Variants in SMARCD1 observed in about 807,000 individuals in gnomAD.
SMARCD1 encodes SWI/SNF-related matrix-associated actin-dependent regulator of chromatin subfamily D member 1.
In SMARCD1, 16 loss-of-function variants were observed where a neutral mutation model predicts 70.8. The ratio of observed to expected loss-of-function variants is 0.23; its 90% CI spans 0.15 to 0.34. The LOEUF is 0.34. Ranked by LOEUF, SMARCD1 falls within the 10% of genes least tolerant of loss-of-function variation. SMARCD1 has a pLI of 1.00. For synonymous variants in SMARCD1, 249 were observed against 246.0 expected (o/e 1.01, Z -0.11); for missense variants, 409 against 655.5 (o/e 0.62, Z 4.11).
chr12:50,090,893 C>T (rs1221329190), intron 9 of SMARCD1, among the ~76,000 whole-genome samples: 1 of 131,938 alleles, frequency 7.6e-6, no homozygotes. Context: ...GGCGCGATCT[C>T]GGCTCACTGC....
Position 50,099,013 on chromosome 12 carries a change from AG to A in SMARCD1, c.*14del. The stretch of plus-strand genomic sequence containing the variant: ...CCGGAATACATAGGGCCTCTCCCAC[AG>A]CCCTGATTCGACTGCACCAATTCTT... On this transcript the variant is annotated 3_prime_UTR_variant, in exon 13 of 13. Transcript: ENST00000394963. 6.2e-7 allele frequency: 1 copy of A among 1,613,156 alleles called. No individual in the cohort carries two copies. The highest frequency in any genetic ancestry group is 8.5e-7 in the Non-Finnish European group (1 of 1,179,092).
rs764685953 is a variant in SMARCD1, at chr12:50,086,186, G to T, written c.203G>T (p.Arg68Leu). 2 of 1,576,310 alleles carry T rather than the reference G, an allele frequency of 1.3e-6. No homozygotes were observed. The highest frequency in any genetic ancestry group is 1.7e-6 in the Non-Finnish European group (2 of 1,158,844). The change falls in exon 2 of 13, where the codon CGA becomes CTA. Residue 68 changes from arginine to leucine, a missense_variant. Arg to Leu is a moderately radical substitution (Grantham distance 102). Coordinates refer to ENST00000394963, the MANE Select transcript of SMARCD1 (RefSeq NM_003076.5). ...YPRPGMLPGS[R>L]MTPQGPSMGP... The stretch of plus-strand genomic sequence containing the variant: ...AGACCAGGTATGTTGCCAGGCAGCC[G>T]AATGACACCTCAGGGACCTTCCATG...
chr12:50,092,560 A>G (rs535788684), intron 9 of SMARCD1, among the ~76,000 whole-genome samples: 52 of 150,534 alleles, frequency 3.5e-4, no homozygotes, highest in African/African-American at 1.2e-3. Context: ...TGAACCTACA[A>G]GATGACAGAG....
At chr12:50,088,479 TTC>T in intron 5 of SMARCD1, 40 bp from the exon 6 acceptor site, 1 of 1,136,860 alleles carries the variant, frequency 8.8e-7, no homozygotes, top group South Asian at 1.4e-5. Flanking sequence ...GGGAAGTTTC[TTC>T]TGGCCTTTCC....
Position 50,086,361 on chromosome 12 carries a change from T to G in SMARCD1, c.365+13T>G. Reference sequence around the variant, plus strand: ...ATCGAAACCACAAGTAAGATGATCCTGGGGCAGAGGGAGGGAGGGAGGGAG... The same window carrying G: ...ATCGAAACCACAAGTAAGATGATCCGGGGGCAGAGGGAGGGAGGGAGGGAG... On this transcript the variant is annotated intron_variant, in intron 2 of 12. Transcript: ENST00000394963. 1.8e-6 allele frequency: 1 copy of G among 568,084 alleles called. No homozygotes were observed. The highest frequency in any genetic ancestry group is 3.2e-6 in the Non-Finnish European group (1 of 310,456). The allele number at this position is 568,084 out of a possible 1,614,324, so 35.2% of individuals were successfully genotyped here.
At chr12:50,093,039 G>A (rs1950860748) in intron 9 of SMARCD1, among the ~76,000 whole-genome samples, 1 of 151,930 alleles carries the variant, frequency 6.6e-6, no homozygotes, top group African/African-American at 2.4e-5. Flanking sequence ...AGCTGGGCAT[G>A]GTGGTGGGCG....
Position 50,098,945 on chromosome 12 carries a change from A to G in SMARCD1, c.1495-2A>G. ...CCACTCCCTTCACTATTTTCTCCTTAGGTGCAGCAGAGACGACAAGAATTA... is the reference window on the plus strand; with the variant it reads ...CCACTCCCTTCACTATTTTCTCCTTGGGTGCAGCAGAGACGACAAGAATTA... On this transcript the variant is annotated splice_acceptor_variant, in intron 12 of 12. Coordinates refer to ENST00000394963, the MANE Select transcript of SMARCD1 (RefSeq NM_003076.5). LOFTEE classifies it high-confidence loss of function. The G allele has an allele frequency of 6.2e-7, 1 of 1,613,958 alleles. No homozygotes were observed. Among genetic ancestry groups the G allele is most frequent in the Non-Finnish European group, 8.5e-7 (1 of 1,179,850 alleles).
At chr12:50,096,266 A>G (rs1238731247) in intron 10 of SMARCD1, among the ~76,000 whole-genome samples, 1 of 152,128 alleles carries the variant, frequency 6.6e-6, no homozygotes, top group Admixed American at 6.6e-5. Flanking sequence ...GGACAGTAGT[A>G]TTTACTATGA....
At position 50,098,703 on chromosome 12, in the gene SMARCD1, A is replaced by G. The variant is rs763736457; in HGVS notation, c.1393-11A>G. 1.0e-5 allele frequency: 16 copies of G among 1,607,088 alleles called. No homozygotes were observed. In the Admixed American group the frequency reaches 2.2e-4, roughly 22 times the overall value. The stretch of plus-strand genomic sequence containing the variant: ...CTCTCTTCCTCCACCCTGCATCTCC[A>G]TTTCCCTCAGACAATGACTGATGTG... On this transcript the variant is annotated splice_polypyrimidine_tract_variant and intron_variant, in intron 11 of 12. Coordinates refer to ENST00000394963, the MANE Select transcript of SMARCD1 (RefSeq NM_003076.5).
intron 9 of SMARCD1, among the ~76,000 whole-genome samples, chr12:50,091,619 C>G (rs1409621807): frequency 2.0e-5 from 3 of 151,560 alleles, no homozygotes; most frequent in African/African-American, 7.3e-5. Flanking sequence ...TCTTGTTGCC[C>G]AGGCTGGTGT....
Position 50,099,156 on chromosome 12 carries a change from C to T in SMARCD1, c.*156C>T, listed in dbSNP as rs1950918156. ...GAATGAAGAGGGTCTCACAAGACAC[C>T]TGTTATCCTCTTCTTTCACCCTATC... On this transcript the variant is annotated 3_prime_UTR_variant, in exon 13 of 13. Coordinates refer to ENST00000394963, the MANE Select transcript of SMARCD1 (RefSeq NM_003076.5). 1 of 665,510 alleles carries T rather than the reference C, an allele frequency of 1.5e-6. No individual in the cohort carries two copies. Among genetic ancestry groups the T allele is most frequent in the Non-Finnish European group, 2.7e-6 (1 of 375,744 alleles). The allele number at this position is 665,510 out of a possible 1,614,324, so 41.2% of individuals were successfully genotyped here. A position where few individuals can be genotyped will look rare whatever the true frequency, so the allele number is the denominator to read the frequency against.
In SMARCD1 at chr12:50,098,184, C is replaced by T. The variant is rs117103230; in HGVS notation, c.1393-530C>T. Among the ~76,000 whole-genome samples the T allele has an allele frequency of 3.3e-3, 496 of 152,284 alleles. 16 individuals are homozygous for T. The East Asian group carries it at 0.086, about 26-fold the overall frequency. On this transcript the variant is annotated intron_variant, in intron 11 of 12. Transcript: ENST00000394963. ...CAGGAAAGATCCCTGAACAAGGCAA[C>T]GACTTGTTGATTGCAGAGGTGACTG...
At chr12:50,085,854 G>A (rs1950783648) in intron 1 of SMARCD1, 1 of 391,794 alleles carries the variant, frequency 2.6e-6, no homozygotes, top group Non-Finnish European at 4.5e-6. Context: ...CACAGAACGT[G>A]TAGCTGACAA....
intron 7 of SMARCD1, 98 bp downstream of exon 7, chr12:50,090,083 A>C (rs1950827620): frequency 7.5e-7 from 1 of 1,328,270 alleles, no homozygotes; most frequent in Admixed American, 1.8e-5. Context: ...ATAATTTGCC[A>C]CTTTGGCACA....
Position 50,100,152 on chromosome 12 carries a change from A to ATCACAT in SMARCD1, c.*1154_*1155insACATTC, listed in dbSNP as rs1337286570. ...CCCTTGGATCTGAGATGGTTTTTGC[A>ATCACAT]TCTTTCCAGGAGAGCCTCACATTCT... On this transcript the variant is annotated 3_prime_UTR_variant, in exon 13 of 13. Coordinates refer to ENST00000394963, the MANE Select transcript of SMARCD1 (RefSeq NM_003076.5). The ATCACAT allele has an allele frequency of 5.9e-5, 9 of 152,620 alleles. No individual in the cohort carries two copies. Among genetic ancestry groups the ATCACAT allele is most frequent in the Non-Finnish European group, 1.2e-4 (8 of 68,106 alleles). The allele number at this position is 152,620 out of a possible 1,614,324, so 9.5% of individuals were successfully genotyped here. A position where few individuals can be genotyped will look rare whatever the true frequency, so the allele number is the denominator to read the frequency against.
In SMARCD1 at chr12:50,086,146, C is replaced by T. The variant is rs1480828110; in HGVS notation, c.178-15C>T. The T allele has an allele frequency of 2.0e-6, 3 of 1,483,598 alleles. No individual in the cohort carries two copies. The highest frequency in any genetic ancestry group is 2.7e-6 in the Non-Finnish European group (3 of 1,109,964). 91.9% of individuals were successfully genotyped at this position (1,483,598 alleles called of 1,614,324 possible). ...GGTGAAACCATGACATCTCTGGGTC[C>T]TCTCCCCTCTGTAGAGACCAGGTAT... On this transcript the variant is annotated splice_polypyrimidine_tract_variant and intron_variant, in intron 1 of 12. Coordinates refer to ENST00000394963, the MANE Select transcript of SMARCD1 (RefSeq NM_003076.5).
intron 10 of SMARCD1, among the ~76,000 whole-genome samples, chr12:50,096,332 G>A (rs773398093): frequency 3.3e-5 from 5 of 152,196 alleles, no homozygotes; most frequent in Non-Finnish European, 7.3e-5. Flanking sequence ...TGAGTTTAAT[G>A]TCAAGTTTAA....
At chr12:50,093,449 C>G (rs1950865237) in intron 9 of SMARCD1, among the ~76,000 whole-genome samples, 1 of 151,628 alleles carries the variant, frequency 6.6e-6, no homozygotes, top group Non-Finnish European at 1.5e-5. Context: ...CAGGTGTGAG[C>G]CACCGCACCT....
intron 9 of SMARCD1, among the ~76,000 whole-genome samples, chr12:50,090,863 T>C (rs836182): frequency 0.99 from 131,745 of 132,410 alleles, 65,553 homozygotes; most frequent in Middle Eastern, 1. Context: ...CTCACTCTGT[T>C]GCCCAGGCTG....
Sources: gnomAD v4.1 joint callset for allele counts (sites outside exome capture counted in the v4.1 genomes callset) on GRCh38, gnomAD v4.1.1 for gene constraint, MANE v1.5 for transcripts, NCBI Gene and HGNC (gene_info 2026-07-23, HGNC 2026-07-21) for gene names.